EPHB2: variants seen among roughly 807,000 people sequenced by gnomAD.
The protein encoded by EPHB2 is EPH receptor B2, also known as ephrin type-B receptor 2.
Under a neutral mutation model 96.4 loss-of-function variants are expected in EPHB2, and 18 were observed. The observed-to-expected ratio is 0.19, with a 90% CI of 0.13 to 0.28. The LOEUF is 0.28. Ranked by LOEUF, EPHB2 falls within the 10% of genes least tolerant of loss-of-function variation. The pLI is 1.00. For missense variants in EPHB2, 989 were observed against 1,355.4 expected, an observed-to-expected ratio of 0.73 and a Z score of 4.25; for synonymous variants, 506 against 534.1, an observed-to-expected ratio of 0.95 and a Z score of 0.72.
At chr1:22,776,429 G>C (rs1000154360) in intron 1 of EPHB2, among the ~76,000 whole-genome samples, 1 of 152,210 alleles carries the variant, frequency 6.6e-6, no homozygotes, top group African/African-American at 2.4e-5. Flanking sequence ...CACATAGTGT[G>C]GTGATTAATT....
At chr1:22,763,135 G>A (rs1644257972) in intron 1 of EPHB2, among the ~76,000 whole-genome samples, 1 of 152,224 alleles carries the variant, frequency 6.6e-6, no homozygotes, top group South Asian at 2.1e-4. Context: ...CATCCATGGA[G>A]GACCTGAGCT....
chr1:22,761,198 T>A (rs1644231109), intron 1 of EPHB2, among the ~76,000 whole-genome samples: 1 of 152,154 alleles, frequency 6.6e-6, no homozygotes, highest in Non-Finnish European at 1.5e-5. Flanking sequence ...CTGAGTCCAT[T>A]GTGATGCACA....
chr1:22,752,947 CTA>C (rs1229682360), intron 1 of EPHB2, among the ~76,000 whole-genome samples: 1 of 151,654 alleles, frequency 6.6e-6, no homozygotes, highest in Non-Finnish European at 1.5e-5. Flanking sequence ...TCATGCTGGG[CTA>C]TGTTTTTTTT....
intron 3 of EPHB2, among the ~76,000 whole-genome samples, chr1:22,829,987 G>T (rs1302323381): frequency 3.3e-5 from 5 of 152,194 alleles, no homozygotes; most frequent in Non-Finnish European, 7.3e-5. Flanking sequence ...TGAGTGCCAG[G>T]CTAAGGAGGT....
rs971513707 is a variant in EPHB2, at chr1:22,858,225, AGAG to A, written c.812-4804_812-4802del. On this transcript the variant is annotated intron_variant, in intron 3 of 15. Coordinates refer to ENST00000374630, the MANE Select transcript of EPHB2 (RefSeq NM_017449.5). The surrounding 1 kb of genome is among the most constrained non-coding windows in gnomAD (Gnocchi z 7.7). ...ACCACAGGCAGGAGCGCAGTGAGTGAGAGGAGGAGGGGGAAGCGTCCAGGAGAC... is the reference window on the plus strand; with the variant it reads ...ACCACAGGCAGGAGCGCAGTGAGTGAGAGGAGGGGGAAGCGTCCAGGAGAC... Among the ~76,000 whole-genome samples the A allele has an allele frequency of 6.2e-5, 9 of 145,830 alleles. No individual in the cohort carries two copies. The highest frequency in any genetic ancestry group is 1.1e-4 in the Non-Finnish European group (7 of 64,002).
intron 3 of EPHB2, among the ~76,000 whole-genome samples, chr1:22,786,443 G>T (rs984265138): frequency 7.2e-5 from 11 of 152,198 alleles, no homozygotes; most frequent in Non-Finnish European, 1.5e-4. Context: ...TCAGATGCCA[G>T]GTTAAAGGTT....
Position 22,858,969 on chromosome 1 carries a change from A to T in EPHB2, c.812-4068A>T, listed in dbSNP as rs1213846819. ...ACATTCATAAGCAAGTAATTAAAATAGGCACTGTATACAAAAAAATTAGCC... is the reference window on the plus strand; with the variant it reads ...ACATTCATAAGCAAGTAATTAAAATTGGCACTGTATACAAAAAAATTAGCC... On this transcript the variant is annotated intron_variant, in intron 3 of 15. Transcript: ENST00000374630. The surrounding 1 kb of genome is among the most constrained non-coding windows in gnomAD (Gnocchi z 7.7). Among the ~76,000 whole-genome samples, 1 of 152,148 alleles carries T rather than the reference A, an allele frequency of 6.6e-6. No homozygotes were observed. Among genetic ancestry groups the T allele is most frequent in the Non-Finnish European group, 1.5e-5 (1 of 68,022 alleles).
At chr1:22,781,579 C>A (rs1365299345) in intron 2 of EPHB2, 94 bp downstream of exon 2, 1 of 1,313,342 alleles carries the variant, frequency 7.6e-7, no homozygotes, top group Non-Finnish European at 1.1e-6. Context: ...TAACCCCTTT[C>A]CCCCTCTTCA....
chr1:22,784,892 A>T lies in EPHB2; in HGVS notation c.627A>T (p.Glu209Asp). Reference protein sequence around the residue: ...RIIQNGAIFQETLSGAESTSL... With the variant: ...RIIQNGAIFQDTLSGAESTSL... The stretch of plus-strand genomic sequence containing the variant: ...TCCAGAATGGCGCCATCTTCCAGGA[A>T]ACCCTGTCGGGGGCTGAGAGCACAT... Residue 209 changes from glutamate (E) to aspartate (D), a missense_variant, in exon 3 of 16, where the codon GAA becomes GAT. Coordinates refer to ENST00000374630, the MANE Select transcript of EPHB2 (RefSeq NM_017449.5). The surrounding 1 kb of genome is among the most constrained non-coding windows in gnomAD (Gnocchi z 5.1). 6.2e-7 allele frequency: 1 copy of T among 1,613,810 alleles called. No individual in the cohort carries two copies. The highest frequency in any genetic ancestry group is 8.5e-7 in the Non-Finnish European group (1 of 1,179,948).
chr1:22,909,951 A>C (rs1247536107), intron 13 of EPHB2, among the ~76,000 whole-genome samples: 1 of 152,026 alleles, frequency 6.6e-6, no homozygotes. Context: ...AGAGGGAGGT[A>C]TCTCACACCT....
intron 3 of EPHB2, among the ~76,000 whole-genome samples, chr1:22,812,969 C>T (rs1645023934): frequency 6.6e-6 from 1 of 152,170 alleles, no homozygotes; most frequent in Non-Finnish European, 1.5e-5. Context: ...TTGTATTTTT[C>T]TTCTGTCACC....
intron 1 of EPHB2, among the ~76,000 whole-genome samples, chr1:22,753,354 A>G (rs1195542436): frequency 6.6e-6 from 1 of 152,182 alleles, no homozygotes; most frequent in Non-Finnish European, 1.5e-5. Flanking sequence ...CTCGGCACAC[A>G]TCCTGGCCCG....
chr1:22,817,718 G>A (rs549363791), intron 3 of EPHB2, among the ~76,000 whole-genome samples: 3 of 152,272 alleles, frequency 2.0e-5, no homozygotes, highest in South Asian at 2.1e-4. Context: ...GGCTAAAGGC[G>A]AGCCTGGTCC....
At chr1:22,800,964 C>T (rs1340060174) in intron 3 of EPHB2, among the ~76,000 whole-genome samples, 6 of 152,176 alleles carry the variant, frequency 3.9e-5, no homozygotes, top group South Asian at 2.1e-4. Context: ...ATCCCTGGCC[C>T]GCCCATCTCC....
rs1207204774 is a variant in EPHB2 at position 22,858,055 on chromosome 1, G to T, written c.812-4982G>T. Among the ~76,000 whole-genome samples, 1 of 152,140 alleles carries T rather than the reference G, an allele frequency of 6.6e-6. No individual in the cohort carries two copies. The highest frequency in any genetic ancestry group is 1.5e-5 in the Non-Finnish European group (1 of 68,028). On this transcript the variant is annotated intron_variant, in intron 3 of 15. Transcript: ENST00000374630. The surrounding 1 kb of genome is among the most constrained non-coding windows in gnomAD (Gnocchi z 7.7). Reference sequence around the variant, plus strand: ...AAGAGACAATTGCTTTAGCCAGGGTGGTCAGGGTGGGCCTCTCGGAGGAGG... The same window carrying T: ...AAGAGACAATTGCTTTAGCCAGGGTTGTCAGGGTGGGCCTCTCGGAGGAGG...
At chr1:22,893,904 G>A (rs75247215) in intron 7 of EPHB2, among the ~76,000 whole-genome samples, 3,746 of 152,188 alleles carry the variant, frequency 0.025, 136 homozygotes, top group African/African-American at 0.086. Flanking sequence ...CAAACTCCAG[G>A]GTGACTCTGT....
intron 3 of EPHB2, among the ~76,000 whole-genome samples, chr1:22,827,801 C>T (rs1049824053): frequency 7.9e-5 from 12 of 152,248 alleles, no homozygotes; most frequent in East Asian, 5.8e-4. Context: ...GTCTCACTCA[C>T]GCCTGGAAAT....
chr1:22,765,929 T>C (rs546422311), intron 1 of EPHB2, among the ~76,000 whole-genome samples: 1 of 152,290 alleles, frequency 6.6e-6, no homozygotes, highest in Non-Finnish European at 1.5e-5. Flanking sequence ...GAGGGCCTCC[T>C]GCAGGAGCAT....
At chr1:22,873,734 A>C (rs1226420637) in intron 5 of EPHB2, among the ~76,000 whole-genome samples, 1 of 152,244 alleles carries the variant, frequency 6.6e-6, no homozygotes, top group African/African-American at 2.4e-5. Flanking sequence ...AATGGCTGCA[A>C]GGTCTCTGGC....
Sources: gnomAD v4.1 joint callset for allele counts (sites outside exome capture counted in the v4.1 genomes callset) on GRCh38, gnomAD v4.1.1 for gene constraint, Gnocchi (gnomAD v3.1) non-coding constraint, MANE v1.5 for transcripts, NCBI Gene and HGNC (gene_info 2026-07-23, HGNC 2026-07-21) for gene names.